Variants in HDGFL2 observed in about 807,000 individuals in gnomAD.
HDGFL2 encodes hepatoma-derived growth factor-related protein 2.
Under a neutral mutation model 77.1 loss-of-function variants are expected in HDGFL2, and 36 were observed. The ratio of observed to expected loss-of-function variants is 0.47; its 90% CI spans 0.36 to 0.62. HDGFL2 has a LOEUF of 0.62. HDGFL2 is among the 20% of genes least tolerant of loss of function. HDGFL2 has a pLI of 0.00. For synonymous variants in HDGFL2, 463 were observed against 413.1 expected (o/e 1.12, Z -1.46); for missense variants, 976 against 973.4 (o/e 1.00, Z -0.04).
chr19:4,501,848 C>T (rs1351677429), intron 15 of HDGFL2, 63 bp from the exon 16 acceptor site: 5 of 1,278,472 alleles, frequency 3.9e-6, no homozygotes, highest in Non-Finnish European at 5.2e-6. Context: ...TCCCACCCAA[C>T]CGCCCTACAG....
chr19:4,475,583 G>T lies in HDGFL2; in HGVS notation c.288G>T (p.Pro96=). ...CCCACGCCAGCTACAGCGCCCCTCC[G>T]GTGAGTACCCGGGGTGGAGAGCCAG... is the stretch of plus-strand genomic sequence containing the variant. ...NNPHASYSAP[P]PVSSSDSEAP... The change falls in exon 3 of 16, where the codon CCG becomes CCT. Residue 96 remains proline (P), a splice_region_variant and synonymous_variant. Coordinates refer to ENST00000616600, the MANE Select transcript of HDGFL2 (RefSeq NM_001001520.3). 6.4e-7 allele frequency: 1 copy of T among 1,573,094 alleles called. No individual in the cohort carries two copies. The highest frequency in any genetic ancestry group is 8.6e-7 in the Non-Finnish European group (1 of 1,166,418).
chr19:4,501,912 A>C lies in HDGFL2; in HGVS notation c.1918A>C (p.Ser640Arg). The C allele has an allele frequency of 6.9e-7, 1 of 1,454,628 alleles. No individual in the cohort carries two copies. Among genetic ancestry groups the C allele is most frequent in the Non-Finnish European group, 9.0e-7 (1 of 1,108,226 alleles). The allele number at this position is 1,454,628 out of a possible 1,614,324, so 90.1% of individuals were successfully genotyped here. ...CACCGCCTTTGCTGTTCCCACCAGC[A>C]GCGTACGGGAGGGTCCCGACCTGGA... ...RCGSSEDLHD[S>R]VREGPDLDRP... Residue 640 changes from serine (S) to arginine (R), a missense_variant and splice_region_variant, in exon 16 of 16, where the codon AGC (serine) becomes CGC (arginine). By Grantham distance (110) the Ser-to-Arg change is moderately radical. Coordinates refer to ENST00000616600, the MANE Select transcript of HDGFL2 (RefSeq NM_001001520.3).
chr19:4,499,284 T>G (rs1169729444), intron 13 of HDGFL2, among the ~76,000 whole-genome samples: 2 of 151,418 alleles, frequency 1.3e-5, no homozygotes, highest in African/African-American at 4.9e-5. Context: ...AGGCGGAGGT[T>G]GCAGTGAGCC....
At position 4,475,446 on chromosome 19, in the gene HDGFL2, G is replaced by A; in HGVS notation, c.151G>A (p.Ala51Thr). 1 of 1,613,764 alleles carries A rather than the reference G, an allele frequency of 6.2e-7. No individual in the cohort carries two copies. The highest frequency in any genetic ancestry group is 8.5e-7 in the Non-Finnish European group (1 of 1,179,936). Residue 51 changes from alanine to threonine, a missense_variant and splice_region_variant, in exon 3 of 16, where the codon GCC (alanine) becomes ACC (threonine). Physicochemically the swap from Ala to Thr is moderately conservative, Grantham distance 58. Around this residue, in one of 5 missense-constraint regions of HDGFL2, gnomAD observed 103 missense variants for 145.7 expected, o/e 0.71. Coordinates refer to ENST00000616600, the MANE Select transcript of HDGFL2 (RefSeq NM_001001520.3). ...CTGGCCCCCGTTTCCCTTCTCCAGA[G>A]CCTTCCTGGGACCCAAGGACCTGTT... ...PIFFFGTHET[A>T]FLGPKDLFPY...
intron 3 of HDGFL2, among the ~76,000 whole-genome samples, chr19:4,476,812 G>A (rs1038989159): frequency 6.6e-6 from 1 of 151,972 alleles, no homozygotes; most frequent in South Asian, 2.1e-4. Flanking sequence ...GTATTCTGGG[G>A]TGAGGTGGGG....
chr19:4,495,550 G>C (rs1047022085), intron 9 of HDGFL2, among the ~76,000 whole-genome samples: 4 of 152,110 alleles, frequency 2.6e-5, no homozygotes, highest in Non-Finnish European at 5.9e-5. Flanking sequence ...TGGGGCTGGA[G>C]TGGAGGGAGG....
rs533188765 is a variant in HDGFL2 at position 4,493,678 on chromosome 19, C to T, written c.679-25C>T. ...TTCTCACGGTGGGGCTCCTGATGCT[C>T]ACGCCTGTCCCTGCTTCTCCCCAGA... On this transcript the variant is annotated intron_variant, in intron 6 of 15. Coordinates refer to ENST00000616600, the MANE Select transcript of HDGFL2 (RefSeq NM_001001520.3). 2.1e-6 allele frequency: 3 copies of T among 1,430,094 alleles called. No individual in the cohort carries two copies. In the African/African-American group the frequency reaches 4.4e-5, roughly 21 times the overall value. 88.6% of individuals were successfully genotyped at this position (1,430,094 alleles called of 1,614,324 possible).
intron 4 of HDGFL2, among the ~76,000 whole-genome samples, chr19:4,489,743 A>G (rs1309064882): frequency 6.6e-6 from 1 of 152,020 alleles, no homozygotes; most frequent in Non-Finnish European, 1.5e-5. Flanking sequence ...GTATGCATTT[A>G]AAAAAAATTG....
At position 4,501,308 on chromosome 19, in the gene HDGFL2, A is replaced by G; in HGVS notation, c.1907A>G (p.Asp636Gly). Residue 636 changes from aspartate to glycine, a missense_variant, in exon 15 of 16, where the codon GAC becomes GGC. Physicochemically the swap from Asp to Gly is moderately conservative, Grantham distance 94 (BLOSUM62 -1). This residue lies in a region of HDGFL2 where 229 missense variants were observed against 187.3 expected (regional missense o/e 1.22). Transcript: ENST00000616600. ...EEGPRCGSSE[D>G]LHDSVREGPD... ...GGGCCAAGGTGTGGCTCCTCTGAAG[A>G]CCTGCACGAGTGAGTGTCCCGGGCC... 3 of 1,601,594 alleles carry G rather than the reference A, an allele frequency of 1.9e-6. No homozygotes were observed. Among genetic ancestry groups the G allele is most frequent in the Non-Finnish European group, 2.6e-6 (3 of 1,172,950 alleles).
At chr19:4,483,575 C>T (rs1227117656) in intron 3 of HDGFL2, among the ~76,000 whole-genome samples, 1 of 152,128 alleles carries the variant, frequency 6.6e-6, no homozygotes, top group East Asian at 1.9e-4. Flanking sequence ...TCCCTCTTGC[C>T]CGGCCGCAAC....
chr19:4,488,010 G>T (rs1002355786), intron 3 of HDGFL2, among the ~76,000 whole-genome samples: 1 of 151,180 alleles, frequency 6.6e-6, no homozygotes, highest in African/African-American at 2.4e-5. Context: ...TCACTCTGTT[G>T]CCCAGGCTGG....
intron 10 of HDGFL2, chr19:4,497,119 C>T (rs552567581): frequency 5.5e-5 from 24 of 439,974 alleles, no homozygotes; most frequent in East Asian, 2.1e-4. Context: ...GTGATCTGCC[C>T]GCCTCAGCCT....
At chr19:4,500,147 C>T (rs866777067) in intron 14 of HDGFL2, among the ~76,000 whole-genome samples, 3 of 152,194 alleles carry the variant, frequency 2.0e-5, no homozygotes, top group South Asian at 2.1e-4. Context: ...GTGTGACCCT[C>T]GGGGCTGCTG....
intron 1 of HDGFL2, among the ~76,000 whole-genome samples, chr19:4,474,238 G>A (rs558494120): frequency 6.6e-6 from 1 of 152,242 alleles, no homozygotes; most frequent in African/African-American, 2.4e-5. Context: ...GACACCAAAC[G>A]GTGCTCTGGA....
At position 4,502,191 on chromosome 19, in the gene HDGFL2, G is replaced by GT. The variant is rs955403025; in HGVS notation, c.*187dup. On this transcript the variant is annotated 3_prime_UTR_variant, in exon 16 of 16. Coordinates refer to ENST00000616600, the MANE Select transcript of HDGFL2 (RefSeq NM_001001520.3). ...AACCAACATGAAATGACTATAAATG[G>GT]TTTTTTAATGAAAAAAGAAATCACT... 5 of 671,872 alleles carry GT rather than the reference G, an allele frequency of 7.4e-6. No homozygotes were observed. Among genetic ancestry groups the GT allele is most frequent in the Middle Eastern group, 4.7e-4 (2 of 4,292 alleles). The allele number at this position is 671,872 out of a possible 1,614,324, so 41.6% of individuals were successfully genotyped here.
In HDGFL2 at chr19:4,475,454, G is replaced by A. The variant is rs944372491; in HGVS notation, c.159G>A (p.Leu53=). 1 of 1,613,606 alleles carries A rather than the reference G, an allele frequency of 6.2e-7. No homozygotes were observed. The highest frequency in any genetic ancestry group is 8.5e-7 in the Non-Finnish European group (1 of 1,179,878). ...FFFGTHETAF[L]GPKDLFPYDK... ...CGTTTCCCTTCTCCAGAGCCTTCCT[G>A]GGACCCAAGGACCTGTTCCCCTACG... The change falls in exon 3 of 16, where the codon CTG becomes CTA. Residue 53 remains leucine (L), a synonymous_variant. Coordinates refer to ENST00000616600, the MANE Select transcript of HDGFL2 (RefSeq NM_001001520.3).
chr19:4,497,245 T>C (rs1975729739), intron 10 of HDGFL2: 2 of 426,596 alleles, frequency 4.7e-6, no homozygotes, highest in African/African-American at 2.1e-5. Flanking sequence ...TGGCCCAGGC[T>C]GGAGTGCAGT....
At chr19:4,493,126 G>A (rs1439889280) in intron 6 of HDGFL2, among the ~76,000 whole-genome samples, 2 of 125,570 alleles carry the variant, frequency 1.6e-5, no homozygotes, top group East Asian at 2.4e-4. Context: ...TCTGTGTGTG[G>A]TGTGTGTGTT....
chr19:4,476,084 G>T (rs544009356), intron 3 of HDGFL2, among the ~76,000 whole-genome samples: 1 of 149,844 alleles, frequency 6.7e-6, no homozygotes, highest in East Asian at 2.0e-4. Flanking sequence ...TAGAGACAGG[G>T]TTTCACTGTG....
Sources: gnomAD v4.1 joint callset for allele counts (sites outside exome capture counted in the v4.1 genomes callset) on GRCh38, gnomAD v4.1.1 for gene constraint, gnomAD v4.1.1 regional missense constraint, MANE v1.5 for transcripts, NCBI Gene and HGNC (gene_info 2026-07-23, HGNC 2026-07-21) for gene names.